Variants in SLC35B3 observed in about 807,000 individuals in gnomAD.
SLC35B3 encodes the protein adenosine 3'-phospho 5'-phosphosulfate transporter 2.
Under a neutral mutation model 44.1 loss-of-function variants are expected in SLC35B3, and 35 were observed. That is an observed-to-expected ratio of 0.79 (90% CI 0.61 to 1.05). The LOEUF is 1.05. Ranked by LOEUF, SLC35B3 falls within the 50% of genes least tolerant of loss-of-function variation. The pLI is 0.00. For missense variants in SLC35B3, 414 were observed against 476.4 expected (o/e 0.87, Z 1.22); for synonymous variants, 146 against 167.3 (o/e 0.87, Z 0.98).
At position 8,429,842 on chromosome 6, in the gene SLC35B3, TACAA is replaced by T; in HGVS notation, c.297+18_297+21del. ...CAATTATTATAAATAATTAACATAT[TACAA>T]ACATATAACTTTTTTACCTGTAAAT... On this transcript the variant is annotated intron_variant, in intron 3 of 10. Coordinates refer to ENST00000644923, the MANE Select transcript of SLC35B3 (RefSeq NM_001370476.2). 1 of 1,476,904 alleles carries T rather than the reference TACAA, an allele frequency of 6.8e-7. No homozygotes were observed. Among genetic ancestry groups the T allele is most frequent in the Non-Finnish European group, 9.2e-7 (1 of 1,088,732 alleles). 91.5% of individuals were successfully genotyped at this position (1,476,904 alleles called of 1,614,324 possible).
At chr6:8,429,568 A>G (rs1287972118) in intron 3 of SLC35B3, among the ~76,000 whole-genome samples, 1 of 152,202 alleles carries the variant, frequency 6.6e-6, no homozygotes, top group Non-Finnish European at 1.5e-5. Context: ...ATACCAATCA[A>G]TACGTGAATC....
intron 5 of SLC35B3, among the ~76,000 whole-genome samples, chr6:8,421,997 TG>T (rs66875263): frequency 7.5e-4 from 40 of 53,330 alleles, no homozygotes; most frequent in Admixed American, 5.2e-3. Flanking sequence ...TATAAGTGTT[TG>T]TTTGTTTGTT....
In SLC35B3 at chr6:8,416,928, A is replaced by C. The variant is rs1450081465; in HGVS notation, c.941T>G (p.Val314Gly). 1 of 1,608,198 alleles carries C rather than the reference A, an allele frequency of 6.2e-7. No homozygotes were observed. Among genetic ancestry groups the C allele is most frequent in the African/African-American group, 1.3e-5 (1 of 74,674 alleles). The change falls in exon 9 of 11, where the codon GTT (valine) becomes GGT (glycine). Residue 314 changes from valine to glycine, a missense_variant. Coordinates refer to ENST00000644923, the MANE Select transcript of SLC35B3 (RefSeq NM_001370476.2). The stretch of plus-strand genomic sequence containing the variant: ...ACCAAAAATTTTAATCAAAGCCAGA[A>C]CAAAGGAGATTCCAAAATATCCAGT...
At chr6:8,426,380 G>T (rs9406136) in intron 4 of SLC35B3, among the ~76,000 whole-genome samples, 77,078 of 151,988 alleles carry the variant, frequency 0.51, 20,680 homozygotes, top group African/African-American at 0.7. Flanking sequence ...AATCTCATCT[G>T]GAATTGTACT....
At chr6:8,428,946 A>G (rs574914376) in intron 3 of SLC35B3, among the ~76,000 whole-genome samples, 1 of 152,270 alleles carries the variant, frequency 6.6e-6, no homozygotes, top group East Asian at 1.9e-4. Flanking sequence ...AGCTAACTAA[A>G]AAACAGTCAC....
intron 10 of SLC35B3, 77 bp from the exon 10 acceptor site, chr6:8,413,776 A>T (rs1762171262): frequency 1.1e-6 from 1 of 874,012 alleles, no homozygotes; most frequent in Admixed American, 3.1e-5. Flanking sequence ...ATTTGTTAAT[A>T]TGTCCATAAT....
chr6:8,423,357 T>C (rs1250843095), intron 4 of SLC35B3, among the ~76,000 whole-genome samples: 6 of 152,204 alleles, frequency 3.9e-5, no homozygotes, highest in African/African-American at 1.2e-4. Flanking sequence ...TAATATCTTA[T>C]AGATCATCTC....
intron 4 of SLC35B3, among the ~76,000 whole-genome samples, chr6:8,424,427 A>C (rs1225060795): frequency 6.6e-6 from 1 of 151,962 alleles, no homozygotes; most frequent in African/African-American, 2.4e-5. Context: ...TGTCCAGCTA[A>C]TTTTATATTT....
In SLC35B3 at chr6:8,432,555, T is replaced by C. The variant is rs1193700195; in HGVS notation, c.3+1830A>G. ...CCCCATGCTTTGGAATTTTGACAGA[T>C]ATGAGTTCAAGATCTGGCTTTACTA... On this transcript the variant is annotated intron_variant, in intron 2 of 10. Coordinates refer to ENST00000644923, the MANE Select transcript of SLC35B3 (RefSeq NM_001370476.2). The surrounding 1 kb of genome is among the most constrained non-coding windows in gnomAD (Gnocchi z 4.8). Among the ~76,000 whole-genome samples the C allele has an allele frequency of 1.3e-5, 2 of 152,106 alleles. No homozygotes were observed. The highest frequency in any genetic ancestry group is 3.9e-4 in the East Asian group (2 of 5,164).
rs536349354 is a variant in SLC35B3 at position 8,420,535 on chromosome 6, A to G, written c.682+186T>C. The stretch of plus-strand genomic sequence containing the variant: ...AAAATGCATGCACACTAAAAAACAA[A>G]CAAATTGTTTTATCTACAGAGCTGT... On this transcript the variant is annotated intron_variant, in intron 6 of 10. Coordinates refer to ENST00000644923, the MANE Select transcript of SLC35B3 (RefSeq NM_001370476.2). The surrounding 1 kb of genome is among the most constrained non-coding windows in gnomAD (Gnocchi z 4.4). Among the ~76,000 whole-genome samples, 6 of 152,290 alleles carry G rather than the reference A, an allele frequency of 3.9e-5. No individual in the cohort carries two copies. The highest frequency in any genetic ancestry group is 1.4e-4 in the African/African-American group (6 of 41,552).
chr6:8,429,451 C>T (rs1763748699), intron 3 of SLC35B3, among the ~76,000 whole-genome samples: 1 of 152,104 alleles, frequency 6.6e-6, no homozygotes, highest in South Asian at 2.1e-4. Flanking sequence ...TAAAGAGATA[C>T]CTTTAGAAAA....
rs138961318 is a variant in SLC35B3, at chr6:8,428,551, C to T, written c.298-493G>A. On this transcript the variant is annotated intron_variant, in intron 3 of 10. Transcript: ENST00000644923. ...GTAATAGTAGCAATGTCAGTTTTTA[C>T]AAAATCAAAGTGGTTAAGTTATAAA... 9.4e-4 allele frequency among the ~76,000 whole-genome samples: 143 copies of T among 152,210 alleles called. 1 individual carries two copies. Among genetic ancestry groups the T allele is most frequent in the African/African-American group, 3.3e-3 (139 of 41,546 alleles).
At position 8,434,819 on chromosome 6, in the gene SLC35B3, G is replaced by C. The variant is rs921515897; in HGVS notation, c.-43-389C>G. Among the ~76,000 whole-genome samples, 2 of 152,168 alleles carry C rather than the reference G, an allele frequency of 1.3e-5. No individual in the cohort carries two copies. Among genetic ancestry groups the C allele is most frequent in the African/African-American group, 4.8e-5 (2 of 41,444 alleles). ...CCTTAAATAATAAAAAGACGGGAGAGATAATTCAGTTGCAAAGACTGGAGG... is the reference window on the plus strand; with the variant it reads ...CCTTAAATAATAAAAAGACGGGAGACATAATTCAGTTGCAAAGACTGGAGG... On this transcript the variant is annotated intron_variant, in intron 1 of 10. Transcript: ENST00000644923. This position sits in a 1 kb window ranked among gnomAD's most constrained non-coding sequence, Gnocchi z 6.3.
chr6:8,415,027 T>C, intron 9 of SLC35B3, 50 bp from the exon 9 acceptor site: 1 of 1,250,342 alleles, frequency 8.0e-7, no homozygotes, highest in Non-Finnish European at 1.2e-6. Context: ...CTTGACAATA[T>C]TTTAGAAATC....
Position 8,434,274 on chromosome 6 carries a change from C to A in SLC35B3, c.3+111G>T, listed in dbSNP as rs1368006395. The A allele has an allele frequency of 1.9e-6, 2 of 1,033,110 alleles. No individual in the cohort carries two copies. The highest frequency in any genetic ancestry group is 2.9e-6 in the Non-Finnish European group (2 of 679,704). 64.0% of individuals were successfully genotyped at this position (1,033,110 alleles called of 1,614,324 possible). ...CGACCTGAAGGACAAAAGTCCCACA[C>A]CAAAAAAAGGTAGAATATGAAAAAA... On this transcript the variant is annotated intron_variant, in intron 2 of 10. Coordinates refer to ENST00000644923, the MANE Select transcript of SLC35B3 (RefSeq NM_001370476.2). The surrounding 1 kb of genome is among the most constrained non-coding windows in gnomAD (Gnocchi z 6.3).
At position 8,427,761 on chromosome 6, in the gene SLC35B3, CTT is replaced by C. The variant is rs1052771336; in HGVS notation, c.419+174_419+175del. 88 of 466,632 alleles carry C rather than the reference CTT, an allele frequency of 1.9e-4. 1 individual carries two copies. The highest frequency in any genetic ancestry group is 1.2e-4 in the Admixed American group (3 of 25,790). 28.9% of individuals were successfully genotyped at this position (466,632 alleles called of 1,614,324 possible). On this transcript the variant is annotated intron_variant, in intron 4 of 10. Coordinates refer to ENST00000644923, the MANE Select transcript of SLC35B3 (RefSeq NM_001370476.2). ...TTATTTTGTAATACTGCATTTAAGA[CTT>C]TATTTTTTTCAGTGTATAAATGAAT...
At chr6:8,423,759 C>T (rs13216150) in intron 4 of SLC35B3, among the ~76,000 whole-genome samples, 2 of 151,934 alleles carry the variant, frequency 1.3e-5, no homozygotes, top group African/African-American at 4.8e-5. Context: ...CATTTACATT[C>T]GATTCTGAGG....
At position 8,430,216 on chromosome 6, in the gene SLC35B3, A is replaced by C. The variant is rs202082618; in HGVS notation, c.4-59T>G. On this transcript the variant is annotated intron_variant, in intron 2 of 10. Transcript: ENST00000644923. ...ATGATAAAGTTTAATCCTCCAAATA[A>C]TATTCCAAATCATACTTTAAAGTTA... The C allele has an allele frequency of 2.5e-4, 347 of 1,376,072 alleles. 2 individuals carry two copies. The East Asian group carries it at 8.0e-3, about 32-fold the overall frequency. The allele number at this position is 1,376,072 out of a possible 1,614,324, so 85.2% of individuals were successfully genotyped here. A position where few individuals can be genotyped will look rare whatever the true frequency, so the allele number is the denominator to read the frequency against.
chr6:8,415,320 C>T (rs1762319853), intron 9 of SLC35B3, among the ~76,000 whole-genome samples: 1 of 152,120 alleles, frequency 6.6e-6, no homozygotes, highest in South Asian at 2.1e-4. Flanking sequence ...TAGCTAGAGG[C>T]AGGGGTTATT....
Sources: gnomAD v4.1 joint callset for allele counts (sites outside exome capture counted in the v4.1 genomes callset) on GRCh38, gnomAD v4.1.1 for gene constraint, Gnocchi (gnomAD v3.1) non-coding constraint, MANE v1.5 for transcripts, NCBI Gene and HGNC (gene_info 2026-07-23, HGNC 2026-07-21) for gene names.